FXYD3: variants seen among roughly 807,000 people sequenced by gnomAD.
The protein encoded by FXYD3 is FXYD domain containing ion transport regulator 3.
A neutral mutation model predicts 19.2 loss-of-function variants in FXYD3; 13 were observed. The ratio of observed to expected loss-of-function variants is 0.68; its 90% CI spans 0.44 to 1.08. FXYD3 has a LOEUF of 1.08. Among genes scored for constraint, FXYD3 ranks in the 50% least tolerant of loss-of-function variants. The pLI, the probability that FXYD3 is intolerant of heterozygous loss-of-function variation, is 0.00. For missense variants in FXYD3, 101 were observed against 109.4 expected, an observed-to-expected ratio of 0.92 and a Z score of 0.34; for synonymous variants, 48 against 38.9, an observed-to-expected ratio of 1.23 and a Z score of -0.87.
intron 1 of FXYD3, 134 bp downstream of exon 1, chr19:35,116,093 G>A (rs897762): frequency 0.98 from 256,406 of 261,934 alleles, 125,680 homozygotes; most frequent in Non-Finnish European, 1. Flanking sequence ...AATTCCAGGG[G>A]CCGAGTTCCA....
chr19:35,122,418 G>A (rs139752184), intron 5 of FXYD3, among the ~76,000 whole-genome samples: 1 of 152,210 alleles, frequency 6.6e-6, no homozygotes, highest in Non-Finnish European at 1.5e-5. Flanking sequence ...GCCTCCCAAA[G>A]TGCTGGGATA....
At chr19:35,121,669 A>G (rs771114330) in intron 5 of FXYD3, 18 of 465,372 alleles carry the variant, frequency 3.9e-5, no homozygotes, top group Non-Finnish European at 5.4e-5. Context: ...AGCCTCTCAG[A>G]CACAGCAGAC....
chr19:35,121,240 A>T lies in FXYD3; in HGVS notation c.92A>T (p.Tyr31Phe). ...CTTGCAGATAAAAACAGTCCTTTCT[A>T]CTATGGTGAGAGCCCGTGCCCCCTT... The part of the protein sequence containing the change: ...NDLEDKNSPF[Y>F]YDWHSLQVGG... The change falls in exon 5 of 9, where the codon TAC becomes TTC. Residue 31 changes from tyrosine (Y) to phenylalanine (F), a missense_variant. By Grantham distance (22) the Tyr-to-Phe change is conservative. Coordinates refer to ENST00000604404, the MANE Select transcript of FXYD3 (RefSeq NM_005971.4). 6.2e-7 allele frequency: 1 copy of T among 1,613,944 alleles called. No individual in the cohort carries two copies. Among genetic ancestry groups the T allele is most frequent in the East Asian group, 2.2e-5 (1 of 44,878 alleles).
intron 2 of FXYD3, chr19:35,119,065 T>G: frequency 1.3e-6 from 1 of 745,330 alleles, no homozygotes. Context: ...ATCTGTCCAG[T>G]GAGGACAACA....
chr19:35,117,114 C>G, intron 2 of FXYD3: 1 of 1,320,626 alleles, frequency 7.6e-7, no homozygotes, highest in East Asian at 3.1e-5. Context: ...CTGCCTTCCT[C>G]TCTAACCTGC....
chr19:35,119,480 G>A, intron 3 of FXYD3, 64 bp downstream of exon 3: 1 of 1,430,312 alleles, frequency 7.0e-7, no homozygotes, highest in South Asian at 1.1e-5. Flanking sequence ...TCCAACCTCT[G>A]TCTCTCTCCT....
chr19:35,119,639 T>A (rs927214510), intron 3 of FXYD3: 2 of 472,120 alleles, frequency 4.2e-6, no homozygotes, highest in African/African-American at 5.1e-5. Flanking sequence ...TCTCTCGATC[T>A]CTTCTTTTTT....
In FXYD3 at chr19:35,123,604, G is replaced by A. The variant is rs1052400; in HGVS notation, c.*147G>A. The A allele has an allele frequency of 2.9e-3, 2,280 of 785,744 alleles. 32 individuals are homozygous for A. The African/African-American group carries it at 0.035, about 12-fold the overall frequency. The allele number at this position is 785,744 out of a possible 1,614,324, so 48.7% of individuals were successfully genotyped here. ...CAGGGCCTCATCTCACCTCTCGCAA[G>A]AGGGTCTCTTTGTTCAATTTTTTTT... On this transcript the variant is annotated 3_prime_UTR_variant, in exon 9 of 9. Coordinates refer to ENST00000604404, the MANE Select transcript of FXYD3 (RefSeq NM_005971.4).
Position 35,123,263 on chromosome 19 carries a change from C to G in FXYD3, c.210-8C>G. 6.3e-7 allele frequency: 1 copy of G among 1,585,382 alleles called. No individual in the cohort carries two copies. Among genetic ancestry groups the G allele is most frequent in the East Asian group, 2.2e-5 (1 of 44,608 alleles). ...CGGACACCAATCTCACCACTTTTGT[C>G]TCCTTAGTCACCATCCAGGGGAGAC... On this transcript the variant is annotated splice_polypyrimidine_tract_variant and splice_region_variant and intron_variant, in intron 7 of 8. Coordinates refer to ENST00000604404, the MANE Select transcript of FXYD3 (RefSeq NM_005971.4).
intron 3 of FXYD3, chr19:35,119,846 T>G (rs73588834): frequency 0.015 from 2,613 of 178,016 alleles, 71 homozygotes; most frequent in African/African-American, 0.059. Context: ...CATTTTTGAT[T>G]TTTTGCAGAG....
intron 2 of FXYD3, chr19:35,117,144 G>A (rs934749228): frequency 7.0e-5 from 94 of 1,341,690 alleles, no homozygotes; most frequent in African/African-American, 1.5e-4. Context: ...ACATCAGTTC[G>A]GGAGCAGCCC....
chr19:35,117,776 G>A (rs2064932070), intron 2 of FXYD3, among the ~76,000 whole-genome samples: 1 of 23,208 alleles, frequency 4.3e-5, no homozygotes, highest in Admixed American at 3.8e-4. Context: ...GAAAAGAAAT[G>A]GATGCTCCAA....
At chr19:35,118,719 G>A in intron 2 of FXYD3, 1 of 331,244 alleles carries the variant, frequency 3.0e-6, no homozygotes, top group Non-Finnish European at 4.7e-6. Flanking sequence ...AGCTAGGGCT[G>A]CAGCCAGGAG....
chr19:35,122,946 G>A lies in FXYD3; in HGVS notation c.201G>A (p.Gln67=). ...CAAAATGCAAATGCAAGTTTGGCCA[G>A]AAGTCCGGGTAAGATACTGTTCCGG... ...MSAKCKCKFG[Q]KSGHHPGETP... is the part of the protein sequence containing the mutation. Residue 67 remains glutamine, a synonymous_variant, in exon 7 of 9, where the codon CAG becomes CAA. Coordinates refer to ENST00000604404, the MANE Select transcript of FXYD3 (RefSeq NM_005971.4). 1 of 1,599,596 alleles carries A rather than the reference G, an allele frequency of 6.3e-7. No individual in the cohort carries two copies. The highest frequency in any genetic ancestry group is 8.5e-7 in the Non-Finnish European group (1 of 1,171,888).
In FXYD3 at chr19:35,116,295, C is replaced by A. The variant is rs1029648208; in HGVS notation, c.-79C>A. ...TTAGGGCGTGGCAGCTTCGGATAAACGCAGGACTCCGCCTGGCAGCCCGAT... is the reference window on the plus strand; with the variant it reads ...TTAGGGCGTGGCAGCTTCGGATAAAAGCAGGACTCCGCCTGGCAGCCCGAT... On this transcript the variant is annotated 5_prime_UTR_variant, in exon 2 of 9. Coordinates refer to ENST00000604404, the MANE Select transcript of FXYD3 (RefSeq NM_005971.4). 2.0e-6 allele frequency: 2 copies of A among 985,446 alleles called. No homozygotes were observed. The highest frequency in any genetic ancestry group is 2.4e-6 in the Non-Finnish European group (2 of 829,958). The allele number at this position is 985,446 out of a possible 1,614,324, so 61.0% of individuals were successfully genotyped here. A position where few individuals can be genotyped will look rare whatever the true frequency, so the allele number is the denominator to read the frequency against.
In FXYD3 at chr19:35,123,716, T is replaced by C. The variant is rs575767324; in HGVS notation, c.*259T>C. The C allele has an allele frequency of 2.0e-4, 113 of 562,256 alleles. 1 individual carries two copies. In the East Asian group the frequency reaches 3.1e-3, roughly 15 times the overall value. The allele number at this position is 562,256 out of a possible 1,614,324, so 34.8% of individuals were successfully genotyped here. A position where few individuals can be genotyped will look rare whatever the true frequency, so the allele number is the denominator to read the frequency against. On this transcript the variant is annotated 3_prime_UTR_variant, in exon 9 of 9. Coordinates refer to ENST00000604404, the MANE Select transcript of FXYD3 (RefSeq NM_005971.4). ...TGGGGCTTGGGGCACCATGAGAAGGTTGGCGTGCCCTGGAGGCTGACACAG... is the reference window on the plus strand; with the variant it reads ...TGGGGCTTGGGGCACCATGAGAAGGCTGGCGTGCCCTGGAGGCTGACACAG...
At chr19:35,117,261 TG>T in intron 2 of FXYD3, 4 of 1,492,008 alleles carry the variant, frequency 2.7e-6, no homozygotes, top group Non-Finnish European at 3.6e-6. Context: ...TTGCAGAGGC[TG>T]GGGCGAGGAG....
In FXYD3 at chr19:35,123,684, A is replaced by G; in HGVS notation, c.*227A>G. 1 of 588,586 alleles carries G rather than the reference A, an allele frequency of 1.7e-6. No homozygotes were observed. Among genetic ancestry groups the G allele is most frequent in the Non-Finnish European group, 3.0e-6 (1 of 331,128 alleles). 36.5% of individuals were successfully genotyped at this position (588,586 alleles called of 1,614,324 possible). A position where few individuals can be genotyped will look rare whatever the true frequency, so the allele number is the denominator to read the frequency against. On this transcript the variant is annotated 3_prime_UTR_variant, in exon 9 of 9. Coordinates refer to ENST00000604404, the MANE Select transcript of FXYD3 (RefSeq NM_005971.4). The stretch of plus-strand genomic sequence containing the variant: ...CAGCCTGGAGACTTCCTATGTGTGC[A>G]TTGGGGTGGGGCTTGGGGCACCATG...
Position 35,122,810 on chromosome 19 carries a change from TG to T in FXYD3, c.144del (p.Cys49AlafsTer9). ...GGCGGGCTCATCTGCGCTGGGGTTCTGTGCGCCATGGGCATCATCATCGTCA... is the reference window on the plus strand; with the variant it reads ...GGCGGGCTCATCTGCGCTGGGGTTCTTGCGCCATGGGCATCATCATCGTCA... ...QVGGLICAGV[L>X]CAMGIIIVMS... is the part of the protein sequence containing the mutation. On this transcript the variant is annotated frameshift_variant, in exon 6 of 9. Transcript: ENST00000604404. LOFTEE classifies it high-confidence loss of function. 6.2e-7 allele frequency: 1 copy of T among 1,614,024 alleles called. No homozygotes were observed. The highest frequency in any genetic ancestry group is 8.5e-7 in the Non-Finnish European group (1 of 1,180,016).
Sources: allele counts gnomAD v4.1 joint callset (sites outside exome capture counted in the v4.1 genomes callset), GRCh38; gene constraint gnomAD v4.1.1; transcripts MANE v1.5; gene names NCBI Gene and HGNC (gene_info 2026-07-23, HGNC 2026-07-21).